EYS: variants seen among roughly 807,000 people sequenced by gnomAD.
EYS encodes protein eyes shut homolog.
In EYS, 250 loss-of-function variants were observed where a neutral mutation model predicts 282.1. The ratio of observed to expected loss-of-function variants is 0.89; its 90% CI spans 0.80 to 0.98. The LOEUF (loss-of-function observed/expected upper bound fraction) is 0.98. Ranked by LOEUF, EYS falls within the 50% of genes least tolerant of loss-of-function variation. The pLI is 0.00. For synonymous variants in EYS, 1,355 were observed against 1,282.9 expected (o/e 1.06, Z -1.20); for missense variants, 4,016 against 3,709.0 (o/e 1.08, Z -2.15).
intron 29 of EYS, among the ~76,000 whole-genome samples, chr6:64,366,167 C>T (rs1390845042): frequency 6.6e-6 from 1 of 151,798 alleles, no homozygotes; most frequent in Non-Finnish European, 1.5e-5. Flanking sequence ...TTTTCTTTCC[C>T]GTTAATATTG....
intron 29 of EYS, among the ~76,000 whole-genome samples, chr6:64,319,503 A>G (rs1186464881): frequency 6.6e-6 from 1 of 152,006 alleles, no homozygotes; most frequent in Non-Finnish European, 1.5e-5. Context: ...GTTACTAAGG[A>G]ACAATTTTAC....
chr6:64,898,628 TAA>T (rs1767551516), intron 18 of EYS, among the ~76,000 whole-genome samples: 1 of 151,324 alleles, frequency 6.6e-6, no homozygotes, highest in African/African-American at 2.4e-5. Context: ...GTAAATGGGC[TAA>T]ATGCCCCAGT....
At position 64,439,346 on chromosome 6, in the gene EYS, C is replaced by T. The variant is rs1045693834; in HGVS notation, c.5651G>A (p.Ser1884Asn). The stretch of plus-strand genomic sequence containing the variant: ...AGAATCTCCATAATAACGAACACAA[C>T]TGAAATCTGTGGAGTCAGAAAGAAA... ...APQRLMISDF[S>N]CVRYYGDSYL... The change falls in exon 27 of 43, where the codon AGT (serine) becomes AAT (asparagine). Residue 1884 changes from serine (S) to asparagine (N), a missense_variant. Coordinates refer to ENST00000503581, the MANE Select transcript of EYS (RefSeq NM_001142800.2). 11 of 1,493,052 alleles carry T rather than the reference C, an allele frequency of 7.4e-6. No homozygotes were observed. Among genetic ancestry groups the T allele is most frequent in the Admixed American group, 2.7e-5 (1 of 37,022 alleles). The allele number at this position is 1,493,052 out of a possible 1,614,324, so 92.5% of individuals were successfully genotyped here.
intron 12 of EYS, among the ~76,000 whole-genome samples, chr6:65,112,536 A>G (rs1356837122): frequency 6.6e-6 from 1 of 152,208 alleles, no homozygotes; most frequent in Admixed American, 6.5e-5. Flanking sequence ...TAGGAAAAAG[A>G]TCTACATAGT....
intron 22 of EYS, among the ~76,000 whole-genome samples, chr6:64,718,962 T>C (rs1316332942): frequency 6.6e-6 from 1 of 152,228 alleles, no homozygotes; most frequent in Non-Finnish European, 1.5e-5. Flanking sequence ...GTATCCTGGA[T>C]GACCCAGGTA....
At chr6:65,407,402 T>A (rs28815023) in intron 5 of EYS, among the ~76,000 whole-genome samples, 1 of 152,006 alleles carries the variant, frequency 6.6e-6, no homozygotes, top group African/African-American at 2.4e-5. Flanking sequence ...ACTACAGGCA[T>A]GCATCACCAT....
At chr6:64,028,531 C>A (rs1367383517) in intron 33 of EYS, among the ~76,000 whole-genome samples, 2 of 152,176 alleles carry the variant, frequency 1.3e-5, no homozygotes, top group Non-Finnish European at 2.9e-5. Flanking sequence ...CCAGAGGAAG[C>A]AGAATGGTTC....
chr6:65,542,473 A>ATGTGTG (rs35318949), intron 2 of EYS, among the ~76,000 whole-genome samples: 1,607 of 146,526 alleles, frequency 0.011, 20 homozygotes, highest in African/African-American at 0.036. Context: ...TAACAATAGA[A>ATGTGTG]TGTGTGTGTG....
At position 64,500,503 on chromosome 6, in the gene EYS, CA is replaced by C. The variant is rs370745194; in HGVS notation, c.5645-61152del. 8.5e-5 allele frequency among the ~76,000 whole-genome samples: 13 copies of C among 152,066 alleles called. No homozygotes were observed. In the East Asian group the frequency reaches 2.5e-3, roughly 29 times the overall value. Reference sequence around the variant, plus strand: ...ATTTTAAAAGGCTAAATCACACATTCAAACAATGTGCATTTCTGAGAAAAAA... The same window carrying C: ...ATTTTAAAAGGCTAAATCACACATTCAACAATGTGCATTTCTGAGAAAAAA... On this transcript the variant is annotated intron_variant, in intron 26 of 42. Coordinates refer to ENST00000503581, the MANE Select transcript of EYS (RefSeq NM_001142800.2).
chr6:63,836,034 A>G (rs921837515), intron 36 of EYS, among the ~76,000 whole-genome samples: 1 of 152,068 alleles, frequency 6.6e-6, no homozygotes, highest in African/African-American at 2.4e-5. Context: ...TGCTCCTATG[A>G]AAATTATTAT....
intron 19 of EYS, among the ~76,000 whole-genome samples, chr6:64,865,854 T>C (rs1307167317): frequency 6.6e-6 from 1 of 152,036 alleles, no homozygotes; most frequent in Non-Finnish European, 1.5e-5. Context: ...TTGTGTAAAC[T>C]AATAGAACTT....
chr6:65,412,161 G>A (rs1582258916), intron 5 of EYS, among the ~76,000 whole-genome samples: 1 of 152,180 alleles, frequency 6.6e-6, no homozygotes, highest in East Asian at 1.9e-4. Flanking sequence ...ACCATGAAGT[G>A]TGCCTTACCA....
At chr6:65,124,289 C>T (rs1045965101) in intron 12 of EYS, among the ~76,000 whole-genome samples, 6 of 152,064 alleles carry the variant, frequency 3.9e-5, no homozygotes, top group South Asian at 2.1e-4. Context: ...GCTTGATGTT[C>T]GCTTTGTCAC....
intron 29 of EYS, among the ~76,000 whole-genome samples, chr6:64,374,253 C>A (rs62418088): frequency 0.68 from 96,001 of 140,892 alleles, 33,000 homozygotes; most frequent in Non-Finnish European, 0.71. Flanking sequence ...GGGGTTGGAG[C>A]AATCTAATAC....
At position 65,434,517 on chromosome 6, in the gene EYS, T is replaced by C. The variant is rs568598066; in HGVS notation, c.863-29150A>G. Among the ~76,000 whole-genome samples the C allele has an allele frequency of 3.9e-5, 6 of 152,212 alleles. No homozygotes were observed. The South Asian group carries it at 1.2e-3, about 32-fold the overall frequency. On this transcript the variant is annotated intron_variant, in intron 5 of 42. Coordinates refer to ENST00000503581, the MANE Select transcript of EYS (RefSeq NM_001142800.2). ...TTGTATTTTTAGCAGAGACGGGGTTTCACCATGTTAGCCAGGACGGTTTCG... is the reference window on the plus strand; with the variant it reads ...TTGTATTTTTAGCAGAGACGGGGTTCCACCATGTTAGCCAGGACGGTTTCG...
intron 22 of EYS, among the ~76,000 whole-genome samples, chr6:64,756,093 AT>A (rs770345231): frequency 3.9e-5 from 6 of 152,172 alleles, no homozygotes; most frequent in Non-Finnish European, 5.9e-5. Flanking sequence ...ATATGAGTAT[AT>A]TCTATCATAA....
At chr6:64,260,531 T>C (rs1316382535) in intron 30 of EYS, among the ~76,000 whole-genome samples, 2 of 152,092 alleles carry the variant, frequency 1.3e-5, no homozygotes, top group Non-Finnish European at 2.9e-5. Context: ...ATGGAGGTAC[T>C]GTTAGAATTT....
At chr6:63,818,837 C>T (rs959411946) in intron 36 of EYS, among the ~76,000 whole-genome samples, 2 of 152,202 alleles carry the variant, frequency 1.3e-5, no homozygotes, top group African/African-American at 4.8e-5. Flanking sequence ...CAAGGGAAAC[C>T]TCCGTGTGGC....
chr6:65,291,885 T>C (rs893678997), intron 12 of EYS, among the ~76,000 whole-genome samples: 1 of 151,598 alleles, frequency 6.6e-6, no homozygotes, highest in African/African-American at 2.4e-5. Context: ...CAGAATATAG[T>C]GCAGAGTGAT....
Sources: gnomAD v4.1 joint callset for allele counts (sites outside exome capture counted in the v4.1 genomes callset) on GRCh38, gnomAD v4.1.1 for gene constraint, MANE v1.5 for transcripts, NCBI Gene and HGNC (gene_info 2026-07-23, HGNC 2026-07-21) for gene names.